TTN: variants seen among roughly 807,000 people sequenced by gnomAD.
TTN encodes connectin.
A neutral mutation model predicts 3,223.0 loss-of-function variants in TTN; 1,525 were observed. The observed-to-expected ratio is 0.47, with a 90% CI of 0.45 to 0.49. The LOEUF (loss-of-function observed/expected upper bound fraction) is 0.49. Ranked by LOEUF, TTN falls within the 20% of genes least tolerant of loss-of-function variation. TTN has a pLI of 0.00. For missense variants in TTN, 40,786 were observed against 43,424.0 expected, an observed-to-expected ratio of 0.94 and a Z score of 5.40; for synonymous variants, 14,094 against 15,161.0, an observed-to-expected ratio of 0.93 and a Z score of 5.17.
chr2:178,773,234 T>C lies in TTN; in HGVS notation c.7730A>G (p.Lys2577Arg), dbSNP rs1312348465. The C allele has an allele frequency of 3.7e-6, 6 of 1,613,856 alleles. No individual in the cohort carries two copies. In the Admixed American group the frequency reaches 8.3e-5, roughly 22 times the overall value. The change falls in exon 33 of 363, where the codon AAA becomes AGA. Residue 2577 changes from lysine (K) to arginine (R), a missense_variant. By Grantham distance (26) the Lys-to-Arg change is conservative. Transcript: ENST00000589042. ...FKDKEIKPSSKYKIEAHGKIY... is the reference protein window; with the variant it reads ...FKDKEIKPSSRYKIEAHGKIY... ...TTTTCCATGTGCTTCAATTTTATAT[T>C]TAGAACTGGGCTTGATTTCCTTGTC...
Position 178,593,715 on chromosome 2 carries a change from G to A in TTN, c.58585C>T (p.Pro19529Ser). Reference sequence around the variant, plus strand: ...GTTTTAGCACTTGCAGATGTCACTGGCATCCAGACGTCTTTACCCACTTCC... The same window carrying A: ...GTTTTAGCACTTGCAGATGTCACTGACATCCAGACGTCTTTACCCACTTCC... ...KKEVGKDVWM[P>S]VTSASAKTTC... Residue 19529 changes from proline to serine, a missense_variant, in exon 298 of 363, where the codon CCA (proline) becomes TCA (serine). Physicochemically the swap from Pro to Ser is moderately conservative, Grantham distance 74. Coordinates refer to ENST00000589042, the MANE Select transcript of TTN (RefSeq NM_001267550.2). 6 of 1,613,262 alleles carry A rather than the reference G, an allele frequency of 3.7e-6. No homozygotes were observed. Among genetic ancestry groups the A allele is most frequent in the Non-Finnish European group, 5.1e-6 (6 of 1,179,576 alleles).
rs764447275 is a variant in TTN at position 178,570,123 on chromosome 2, G to T, written c.76009C>A (p.Leu25337Ile). Residue 25337 changes from leucine (L) to isoleucine (I), a missense_variant, in exon 326 of 363, where the codon CTT becomes ATT. Leu to Ile is a conservative substitution (Grantham distance 5). Transcript: ENST00000589042. ...TCCCGTTTCTCAAGAACATATCCAA[G>T]AATTTCACTACCACCATCAGATGCT... Reference protein sequence around the residue: ...RPASDGGSEILGYVLEKRDKE... With the variant: ...RPASDGGSEIIGYVLEKRDKE... 2.5e-6 allele frequency: 4 copies of T among 1,613,406 alleles called. No homozygotes were observed. Among genetic ancestry groups the T allele is most frequent in the Non-Finnish European group, 3.4e-6 (4 of 1,179,604 alleles).
At position 178,612,427 on chromosome 2, in the gene TTN, T is replaced by C; in HGVS notation, c.50098A>G (p.Thr16700Ala). 1.2e-6 allele frequency: 2 copies of C among 1,612,528 alleles called. No individual in the cohort carries two copies. Among genetic ancestry groups the C allele is most frequent in the Non-Finnish European group, 1.7e-6 (2 of 1,179,192 alleles). ...KRDVRRKGWQ[T>A]VDTTVKDTKC... ...GTGTCCTTGACAGTGGTATCCACTG[T>C]TTGCCAGCCTTTTCGCCTGACGTCT... The change falls in exon 266 of 363, where the codon ACA becomes GCA. Residue 16700 changes from threonine to alanine, a missense_variant. Thr to Ala is a moderately conservative substitution (Grantham distance 58). Transcript: ENST00000589042.
chr2:178,558,172 T>C lies in TTN; in HGVS notation c.87182A>G (p.Asn29061Ser). 6.2e-7 allele frequency: 1 copy of C among 1,613,802 alleles called. No homozygotes were observed. Among genetic ancestry groups the C allele is most frequent in the African/African-American group, 1.3e-5 (1 of 75,054 alleles). ...AGAGATTGGAATGTCAACTTTAAGG[T>C]TTGAACCAGCTCTAACATATACAGT... is the stretch of plus-strand genomic sequence containing the variant. ...SHTVYVRAGSNLKVDIPISGK... is the reference protein window; with the variant it reads ...SHTVYVRAGSSLKVDIPISGK... Residue 29061 changes from asparagine to serine, a missense_variant, in exon 328 of 363, where the codon AAC (asparagine) becomes AGC (serine). Coordinates refer to ENST00000589042, the MANE Select transcript of TTN (RefSeq NM_001267550.2).
chr2:178,725,800 C>A lies in TTN; in HGVS notation c.20522G>T (p.Ser6841Ile), dbSNP rs769764362. The change falls in exon 70 of 363, where the codon AGT becomes ATT. Residue 6841 changes from serine (S) to isoleucine (I), a missense_variant. Transcript: ENST00000589042. ...TTTTACAGTACAAACACAAGTATCACTTCCCACTTCATTCTGTGCTTTGCA... is the reference window on the plus strand; with the variant it reads ...TTTTACAGTACAAACACAAGTATCAATTCCCACTTCATTCTGTGCTTTGCA... ...YHCKAQNEVGSDTCVCTVKLK... is the reference protein window; with the variant it reads ...YHCKAQNEVGIDTCVCTVKLK... 2.5e-6 allele frequency: 4 copies of A among 1,607,876 alleles called. No homozygotes were observed. The highest frequency in any genetic ancestry group is 3.4e-6 in the Non-Finnish European group (4 of 1,175,940).
chr2:178,610,292 T>A lies in TTN; in HGVS notation c.51234A>T (p.Pro17078=). The part of the protein sequence containing the change: ...WEPPEFDGGT[P]ILHYVLERRE... ...TGCGCTCCAGGACATAATGAAGAAT[T>A]GGGGTTCCACCATCAAATTCTGGAG... The change falls in exon 271 of 363, where the codon CCA becomes CCT. Residue 17078 remains proline (P), a synonymous_variant. Coordinates refer to ENST00000589042, the MANE Select transcript of TTN (RefSeq NM_001267550.2). 1 of 1,612,938 alleles carries A rather than the reference T, an allele frequency of 6.2e-7. No homozygotes were observed. Among genetic ancestry groups the A allele is most frequent in the Non-Finnish European group, 8.5e-7 (1 of 1,179,226 alleles).
rs1483904842 is a variant in TTN at position 178,724,326 on chromosome 2, T to C, written c.21049A>G (p.Thr7017Ala). The C allele has an allele frequency of 6.2e-7, 1 of 1,613,614 alleles. No individual in the cohort carries two copies. Among genetic ancestry groups the C allele is most frequent in the Admixed American group, 1.7e-5 (1 of 59,974 alleles). ...ILSVERQDAG[T>A]YTFQVQNNVG... ...TTATTTTGAACCTGGAAAGTGTATG[T>C]GCCTGCATCTTGCCTTTCAACTGAG... is the stretch of plus-strand genomic sequence containing the variant. The change falls in exon 72 of 363, where the codon ACA becomes GCA. Residue 7017 changes from threonine (T) to alanine (A), a missense_variant. Coordinates refer to ENST00000589042, the MANE Select transcript of TTN (RefSeq NM_001267550.2).
intron 326 of TTN, chr2:178,558,897 C>A: frequency 2.1e-6 from 1 of 475,240 alleles, no homozygotes; most frequent in South Asian, 2.8e-5. Context: ...CCAAATTCAC[C>A]ATGGGGATAA....
chr2:178,549,242 A>G lies in TTN; in HGVS notation c.92384T>C (p.Val30795Ala), dbSNP rs1415270216. 2 of 1,613,912 alleles carry G rather than the reference A, an allele frequency of 1.2e-6. No homozygotes were observed. Among genetic ancestry groups the G allele is most frequent in the Admixed American group, 1.7e-5 (1 of 60,002 alleles). The change falls in exon 339 of 363, where the codon GTC (valine) becomes GCC (alanine). Residue 30795 changes from valine to alanine, a missense_variant. Transcript: ENST00000589042. ...LTEGNEYEFHVMAENAAGVGP... is the reference protein window; with the variant it reads ...LTEGNEYEFHAMAENAAGVGP... ...AACTCCTGCAGCATTTTCAGCCATGACATGGAATTCATACTCATTGCCTTC... is the reference window on the plus strand; with the variant it reads ...AACTCCTGCAGCATTTTCAGCCATGGCATGGAATTCATACTCATTGCCTTC...
chr2:178,551,159 T>C lies in TTN; in HGVS notation c.91372A>G (p.Ser30458Gly). The C allele has an allele frequency of 6.2e-7, 1 of 1,613,620 alleles. No homozygotes were observed. Among genetic ancestry groups the C allele is most frequent in the Non-Finnish European group, 8.5e-7 (1 of 1,179,656 alleles). Reference protein sequence around the residue: ...RDGGSKIVGYSIEKRQGNERW... With the variant: ...RDGGSKIVGYGIEKRQGNERW... ...TCATTTCCTTGCCGTTTCTCAATGC[T>C]ATAGCCCACAATCTTACTGCCTCCA... The change falls in exon 336 of 363, where the codon AGC becomes GGC. Residue 30458 changes from serine to glycine, a missense_variant. Physicochemically the swap from Ser to Gly is moderately conservative, Grantham distance 56 (BLOSUM62 0). Transcript: ENST00000589042.
intron 330 of TTN, 129 bp from the exon 331 acceptor site, chr2:178,555,281 T>G: frequency 1.1e-6 from 1 of 869,966 alleles, no homozygotes; most frequent in East Asian, 2.8e-5. Flanking sequence ...TATAATTCTA[T>G]GCAATTATTA....
chr2:178,635,159 A>G lies in TTN; in HGVS notation c.42024+6T>C, dbSNP rs140002940. ...GACTAACAATTTAAAATGTGAAATTACTCACAGGTGAGGGCCTTAGAAGTT... is the reference window on the plus strand; with the variant it reads ...GACTAACAATTTAAAATGTGAAATTGCTCACAGGTGAGGGCCTTAGAAGTT... On this transcript the variant is annotated splice_donor_region_variant and intron_variant, in intron 228 of 362. Coordinates refer to ENST00000589042, the MANE Select transcript of TTN (RefSeq NM_001267550.2). The G allele has an allele frequency of 9.8e-4, 1,580 of 1,610,488 alleles. 17 individuals are homozygous for G. The African/African-American group carries it at 0.017, about 17-fold the overall frequency.
At position 178,678,224 on chromosome 2, in the gene TTN, T is replaced by A; in HGVS notation, c.33911-16A>T. ...ACCTCTGGCACTTTAAAGATATTAT[T>A]TATATTTAGGAATATGTTCTTTTAA... On this transcript the variant is annotated splice_polypyrimidine_tract_variant and intron_variant, in intron 144 of 362. Coordinates refer to ENST00000589042, the MANE Select transcript of TTN (RefSeq NM_001267550.2). The A allele has an allele frequency of 6.3e-7, 1 of 1,591,278 alleles. No individual in the cohort carries two copies. The highest frequency in any genetic ancestry group is 8.5e-7 in the Non-Finnish European group (1 of 1,170,524).
chr2:178,726,259 T>A (rs1044912482), intron 69 of TTN: 19 of 474,708 alleles, frequency 4.0e-5, no homozygotes, highest in Non-Finnish European at 6.5e-5. Context: ...AGATCCTAGA[T>A]GTCGTTACTG....
At chr2:178,678,913 G>A (rs993902914) in intron 142 of TTN, 83 bp from the exon 143 acceptor site, 79 of 1,083,522 alleles carry the variant, frequency 7.3e-5, no homozygotes, top group Non-Finnish European at 1.0e-4. Flanking sequence ...GGCCTTAACT[G>A]AAGCAGCATA....
At position 178,722,345 on chromosome 2, in the gene TTN, G is replaced by A; in HGVS notation, c.22442C>T (p.Thr7481Ile). 1 of 1,613,256 alleles carries A rather than the reference G, an allele frequency of 6.2e-7. No individual in the cohort carries two copies. Among genetic ancestry groups the A allele is most frequent in the Non-Finnish European group, 8.5e-7 (1 of 1,179,508 alleles). ...DNVATLKILQ[T>I]DLSHSGQYSC... ...GTACTGGCCAGAGTGACTCAAGTCA[G>A]TTTGCAAAATTTTTAAAGTTGCCAC... Residue 7481 changes from threonine to isoleucine, a missense_variant, in exon 77 of 363, where the codon ACT becomes ATT. Transcript: ENST00000589042.
Position 178,543,551 on chromosome 2 carries a change from A to T in TTN, c.96422T>A (p.Ile32141Asn), listed in dbSNP as rs753559586. ...IDGGAPVNNYIVEKREAAMRA... is the reference protein window; with the variant it reads ...IDGGAPVNNYNVEKREAAMRA... ...CATAGCAGCTTCACGCTTCTCAACG[A>T]TGTAATTGTTGACTGGAGCTCCACC... Residue 32141 changes from isoleucine (I) to asparagine (N), a missense_variant, in exon 347 of 363, where the codon ATC becomes AAC. Coordinates refer to ENST00000589042, the MANE Select transcript of TTN (RefSeq NM_001267550.2). 4 of 1,611,936 alleles carry T rather than the reference A, an allele frequency of 2.5e-6. No individual in the cohort carries two copies. Among genetic ancestry groups the T allele is most frequent in the African/African-American group, 1.3e-5 (1 of 74,928 alleles).
chr2:178,733,215 G>A, intron 54 of TTN, 24 bp downstream of exon 54: 1 of 1,565,380 alleles, frequency 6.4e-7, no homozygotes, highest in Non-Finnish European at 8.7e-7. Context: ...TGCATATGTA[G>A]CATCATTTTC....
intron 138 of TTN, among the ~76,000 whole-genome samples, chr2:178,680,792 A>T (rs1483260867): frequency 6.6e-6 from 1 of 152,116 alleles, no homozygotes; most frequent in African/African-American, 2.4e-5. Context: ...TAAATCAGGA[A>T]TATGCCAAAC....
Sources: gnomAD v4.1 joint callset for allele counts (sites outside exome capture counted in the v4.1 genomes callset) on GRCh38, gnomAD v4.1.1 for gene constraint, MANE v1.5 for transcripts, NCBI Gene and HGNC (gene_info 2026-07-23, HGNC 2026-07-21) for gene names.